The following RAPGEF5 variants were observed in gnomAD, a reference collection of about 807,000 sequenced individuals.
RAPGEF5 encodes the protein Rap guanine nucleotide exchange factor 5.
Under a neutral mutation model 125.2 loss-of-function variants are expected in RAPGEF5, and 65 were observed. The observed-to-expected ratio is 0.52, with a 90% confidence interval of 0.43 to 0.64. The LOEUF is 0.64. Ranked by LOEUF, RAPGEF5 falls within the 30% of genes least tolerant of loss-of-function variation. The probability of loss-of-function intolerance (pLI) is 0.00; values close to 1 mark genes in which losing one functional copy is unlikely to be tolerated. For synonymous variants in RAPGEF5, 391 were observed against 385.9 expected (o/e 1.01, Z -0.16); for missense variants, 958 against 1,048.1 (o/e 0.91, Z 1.19).
At chr7:22,193,856 G>C in intron 10 of RAPGEF5, 59 bp downstream of exon 10, 2 of 1,611,944 alleles carry the variant, frequency 1.2e-6, no homozygotes, top group Non-Finnish European at 1.7e-6. Flanking sequence ...GGGAAGGGAA[G>C]GCAGGCAGGG....
At chr7:22,266,463 T>C (rs946885738) in intron 7 of RAPGEF5, among the ~76,000 whole-genome samples, 2 of 152,196 alleles carry the variant, frequency 1.3e-5, no homozygotes, top group African/African-American at 4.8e-5. Context: ...GATTATATCC[T>C]ATAGGTATGA....
chr7:22,348,129 C>T (rs1458096459), intron 1 of RAPGEF5, among the ~76,000 whole-genome samples: 1 of 152,198 alleles, frequency 6.6e-6, no homozygotes, highest in African/African-American at 2.4e-5. Context: ...GGCTTCAGAA[C>T]ATCCACAAGC....
chr7:22,289,583 CA>C (rs1438765611), intron 6 of RAPGEF5, among the ~76,000 whole-genome samples: 3 of 152,250 alleles, frequency 2.0e-5, no homozygotes, highest in Non-Finnish European at 4.4e-5. Flanking sequence ...TATAATTATG[CA>C]CACCACAGGC....
rs548429330 is a variant in RAPGEF5 at position 22,247,367 on chromosome 7, G to A, written c.797-16448C>T. Among the ~76,000 whole-genome samples, 11 of 152,326 alleles carry A rather than the reference G, an allele frequency of 7.2e-5. No individual in the cohort carries two copies. The East Asian group carries it at 2.1e-3, about 29-fold the overall frequency. ...CACCCAAATCTCATCTTGAATTGTA[G>A]CTCCCATAATCCCCTCGTGTCATGG... On this transcript the variant is annotated intron_variant, in intron 7 of 25. Coordinates refer to ENST00000665637, the MANE Select transcript of RAPGEF5 (RefSeq NM_012294.5).
intron 2 of RAPGEF5, among the ~76,000 whole-genome samples, chr7:22,316,481 A>ATTT (rs1783598173): frequency 7.0e-5 from 3 of 42,616 alleles, no homozygotes; most frequent in Admixed American, 2.3e-4. Context: ...ATATATATAT[A>ATTT]TATATATATT....
At chr7:22,230,802 A>G (rs761695983) in intron 8 of RAPGEF5, 44 bp downstream of exon 8, 6 of 1,500,426 alleles carry the variant, frequency 4.0e-6, no homozygotes, top group Non-Finnish European at 3.6e-6. Flanking sequence ...ACCACCCTCA[A>G]CACAGAAGGG....
At chr7:22,156,552 A>T (rs1358796905) in intron 16 of RAPGEF5, among the ~76,000 whole-genome samples, 1 of 152,226 alleles carries the variant, frequency 6.6e-6, no homozygotes, top group Non-Finnish European at 1.5e-5. Flanking sequence ...TCAAGAATGC[A>T]AGGAGGCTCT....
rs80356134 is a variant in RAPGEF5 at position 22,258,853 on chromosome 7, G to C, written c.796+8111C>G. Among the ~76,000 whole-genome samples the C allele has an allele frequency of 3.5e-3, 535 of 152,066 alleles. 28 individuals are homozygous for C. The East Asian group carries it at 0.091, about 26-fold the overall frequency. On this transcript the variant is annotated intron_variant, in intron 7 of 25. Transcript: ENST00000665637. Reference sequence around the variant, plus strand: ...ACCTAGACACAGACATTACACCCTTGAAAATGAACTCAAAATGGGCCCCAG... The same window carrying C: ...ACCTAGACACAGACATTACACCCTTCAAAATGAACTCAAAATGGGCCCCAG...
At chr7:22,272,229 G>A (rs1465491958) in intron 6 of RAPGEF5, among the ~76,000 whole-genome samples, 1 of 151,262 alleles carries the variant, frequency 6.6e-6, no homozygotes, top group African/African-American at 2.4e-5. Context: ...CGTAATCTCA[G>A]CTACTCGGGA....
In RAPGEF5 at chr7:22,318,135, T is replaced by C. The variant is rs548951616; in HGVS notation, c.232-98A>G. On this transcript the variant is annotated intron_variant, in intron 1 of 25. Transcript: ENST00000665637. ...AACAGTGGCCAGGGCAGGCCTCTGCTATGAAAAAAAAAAAAAAAATGAGCT... is the reference window on the plus strand; with the variant it reads ...AACAGTGGCCAGGGCAGGCCTCTGCCATGAAAAAAAAAAAAAAAATGAGCT... 4 of 1,129,460 alleles carry C rather than the reference T, an allele frequency of 3.5e-6. No homozygotes were observed. The South Asian group carries it at 6.1e-5, about 17-fold the overall frequency. The allele number at this position is 1,129,460 out of a possible 1,614,324, so 70.0% of individuals were successfully genotyped here.
At chr7:22,331,239 A>C (rs1783910669) in intron 1 of RAPGEF5, among the ~76,000 whole-genome samples, 1 of 152,186 alleles carries the variant, frequency 6.6e-6, no homozygotes, top group African/African-American at 2.4e-5. Flanking sequence ...AATCACCAAC[A>C]TAGTTGTTTT....
In RAPGEF5 at chr7:22,193,931, C is replaced by A. The variant is rs758765203; in HGVS notation, c.1099G>T (p.Ala367Ser). 6.2e-7 allele frequency: 1 copy of A among 1,613,768 alleles called. No homozygotes were observed. The change falls in exon 10 of 26, where the codon GCG becomes TCG. Residue 367 changes from alanine to serine, a missense_variant. Coordinates refer to ENST00000665637, the MANE Select transcript of RAPGEF5 (RefSeq NM_012294.5). ...AACTCTCACCTCCAATGGCTCTCCGCACTCCCAGCTGTGGGGGCTGGGCCA... is the reference window on the plus strand; with the variant it reads ...AACTCTCACCTCCAATGGCTCTCCGAACTCCCAGCTGTGGGGGCTGGGCCA... ...CCGPAPTAGS[A>S]ESHWRYVVVS...
chr7:22,189,814 A>G (rs1218451739), intron 11 of RAPGEF5, among the ~76,000 whole-genome samples: 1 of 152,244 alleles, frequency 6.6e-6, no homozygotes, highest in Non-Finnish European at 1.5e-5. Context: ...GATGACAATG[A>G]ATTTCATTGC....
At chr7:22,346,541 G>C (rs1012258999) in intron 1 of RAPGEF5, among the ~76,000 whole-genome samples, 1 of 152,144 alleles carries the variant, frequency 6.6e-6, no homozygotes, top group African/African-American at 2.4e-5. Flanking sequence ...ACAGTAATGA[G>C]AGATAAAATA....
At chr7:22,342,070 AAAC>A (rs1482368186) in intron 1 of RAPGEF5, among the ~76,000 whole-genome samples, 1 of 152,224 alleles carries the variant, frequency 6.6e-6, no homozygotes, top group Non-Finnish European at 1.5e-5. Flanking sequence ...CTCCTGCAGC[AAAC>A]CTCTGCCATT....
chr7:22,300,549 T>C (rs1274354533), intron 5 of RAPGEF5, among the ~76,000 whole-genome samples: 2 of 152,234 alleles, frequency 1.3e-5, no homozygotes, highest in African/African-American at 4.8e-5. Flanking sequence ...ACAGCCTCAA[T>C]GATTCCAGCT....
intron 23 of RAPGEF5, among the ~76,000 whole-genome samples, chr7:22,135,524 C>T (rs903399489): frequency 6.6e-6 from 1 of 152,044 alleles, no homozygotes; most frequent in African/African-American, 2.4e-5. Flanking sequence ...AAATATTTTC[C>T]CAACTCAATT....
rs1198019216 is a variant in RAPGEF5 at position 22,118,966 on chromosome 7, T to C, written c.*3440A>G. 1.6e-5 allele frequency: 2 copies of C among 123,630 alleles called. No individual in the cohort carries two copies. The highest frequency in any genetic ancestry group is 6.2e-5 in the African/African-American group (2 of 32,026). The allele number at this position is 123,630 out of a possible 1,614,324, so 7.7% of individuals were successfully genotyped here. On this transcript the variant is annotated 3_prime_UTR_variant, in exon 26 of 26. Transcript: ENST00000665637. Reference sequence around the variant, plus strand: ...GAAGCAGGCTGAAATTTTAAGGACATGTTTTTGAAACATTTAAAAGAAATC... The same window carrying C: ...GAAGCAGGCTGAAATTTTAAGGACACGTTTTTGAAACATTTAAAAGAAATC...
In RAPGEF5 at chr7:22,156,881, G is replaced by C; in HGVS notation, c.1565C>G (p.Ala522Gly). ...CTTAAGACTGAATTGGTGGAAAAGG[G>C]CTTTATTCTGTGAGATGGGAGAAAG... The part of the protein sequence containing the change: ...DEYSPQKKNK[A>G]LFHQFSLKEN... Residue 522 changes from alanine to glycine, a missense_variant, in exon 16 of 26, where the codon GCC (alanine) becomes GGC (glycine). Ala to Gly is a moderately conservative substitution (Grantham distance 60). Transcript: ENST00000665637. 6.2e-7 allele frequency: 1 copy of C among 1,613,924 alleles called. No individual in the cohort carries two copies. Among genetic ancestry groups the C allele is most frequent in the Non-Finnish European group, 8.5e-7 (1 of 1,179,826 alleles).
Sources: gnomAD v4.1 joint callset for allele counts (sites outside exome capture counted in the v4.1 genomes callset) on GRCh38, gnomAD v4.1.1 for gene constraint, MANE v1.5 for transcripts, NCBI Gene and HGNC (gene_info 2026-07-23, HGNC 2026-07-21) for gene names.